CWC27: variants seen among roughly 807,000 people sequenced by gnomAD.
The protein encoded by CWC27 is CWC27 spliceosome associated cyclophilin.
A neutral mutation model predicts 63.6 loss-of-function variants in CWC27; 47 were observed. That is an observed-to-expected ratio of 0.74 (90% CI 0.58 to 0.94). CWC27 has a LOEUF of 0.94. Ranked by LOEUF, CWC27 falls within the 40% of genes least tolerant of loss-of-function variation. The pLI is 0.00. For synonymous variants in CWC27, 175 were observed against 179.8 expected (o/e 0.97, Z 0.22); for missense variants, 495 against 554.3 (o/e 0.89, Z 1.07).
At chr5:65,002,565 T>C (rs1318418181) in intron 13 of CWC27, among the ~76,000 whole-genome samples, 3 of 152,170 alleles carry the variant, frequency 2.0e-5, no homozygotes, top group African/African-American at 4.8e-5. Flanking sequence ...TGGGAGCATG[T>C]TGTTTAATTT....
intron 3 of CWC27, 42 bp downstream of exon 3, chr5:64,782,075 T>C (rs1200336220): frequency 9.3e-7 from 1 of 1,070,598 alleles, no homozygotes; most frequent in East Asian, 2.7e-5. Flanking sequence ...TTTGTTGTTA[T>C]TATTATTTCC....
At chr5:64,956,657 C>T (rs1486061686) in intron 11 of CWC27, among the ~76,000 whole-genome samples, 3 of 152,092 alleles carry the variant, frequency 2.0e-5, no homozygotes, top group Non-Finnish European at 4.4e-5. Flanking sequence ...AGCTCCTAAC[C>T]TGGAAAACTG....
intron 10 of CWC27, among the ~76,000 whole-genome samples, chr5:64,850,751 G>A (rs936511983): frequency 3.3e-5 from 5 of 151,898 alleles, no homozygotes; most frequent in Admixed American, 6.6e-5. Flanking sequence ...ACCTGGGGAC[G>A]GGACCTGAAA....
intron 10 of CWC27, among the ~76,000 whole-genome samples, chr5:64,857,741 AT>A (rs1345204695): frequency 2.6e-5 from 4 of 152,188 alleles, no homozygotes; most frequent in African/African-American, 9.6e-5. Flanking sequence ...GGTTATTAGA[AT>A]TGTGATTGTG....
intron 11 of CWC27, among the ~76,000 whole-genome samples, chr5:64,903,965 T>G (rs1747566825): frequency 6.6e-6 from 1 of 152,252 alleles, no homozygotes; most frequent in South Asian, 2.1e-4. Context: ...TTTGTTTATC[T>G]ACTTCATCAC....
intron 10 of CWC27, among the ~76,000 whole-genome samples, chr5:64,821,991 G>C (rs559831343): frequency 6.6e-6 from 1 of 152,314 alleles, no homozygotes; most frequent in African/African-American, 2.4e-5. Context: ...TTGGTAGAAA[G>C]TGTTAGAAAA....
intron 13 of CWC27, among the ~76,000 whole-genome samples, chr5:64,985,837 A>G (rs1157486673): frequency 6.6e-6 from 1 of 152,166 alleles, no homozygotes; most frequent in African/African-American, 2.4e-5. Context: ...GTCTTTGGGG[A>G]AAAGCCTTCA....
chr5:64,884,371 G>C (rs971124495), intron 10 of CWC27: 1 of 152,062 alleles, frequency 6.6e-6, no homozygotes, highest in Non-Finnish European at 1.5e-5. Context: ...TGTGTGTCTG[G>C]TGTGGAAAAA....
intron 11 of CWC27, among the ~76,000 whole-genome samples, chr5:64,957,168 G>A (rs568407108): frequency 6.6e-6 from 1 of 152,282 alleles, no homozygotes; most frequent in East Asian, 1.9e-4. Flanking sequence ...CCTCCTTTAA[G>A]TACTGTTAGA....
At chr5:65,001,787 C>G (rs1749736568) in intron 13 of CWC27, among the ~76,000 whole-genome samples, 1 of 150,576 alleles carries the variant, frequency 6.6e-6, no homozygotes, top group African/African-American at 2.4e-5. Context: ...TTTTCTTTTT[C>G]TTGTTATGTC....
chr5:64,802,710 A>G (rs969800954), intron 9 of CWC27, among the ~76,000 whole-genome samples: 3 of 152,188 alleles, frequency 2.0e-5, no homozygotes, highest in African/African-American at 7.2e-5. Flanking sequence ...AACTTGTTAG[A>G]TGGGTGCAAA....
intron 13 of CWC27, among the ~76,000 whole-genome samples, chr5:64,998,213 G>A (rs1749672156): frequency 6.6e-6 from 1 of 152,090 alleles, no homozygotes; most frequent in South Asian, 2.1e-4. Context: ...TTTTGAGAGA[G>A]ATAGGGAGAC....
Position 64,793,532 on chromosome 5 carries a change from C to T in CWC27, c.669+4512C>T, listed in dbSNP as rs745873381. Among the ~76,000 whole-genome samples the T allele has an allele frequency of 8.7e-4, 132 of 152,126 alleles. 1 individual carries two copies. The highest frequency in any genetic ancestry group is 1.0e-3 in the Non-Finnish European group (70 of 67,986). ...TTACACTACCAGCACTGTTCAAATA[C>T]CTTGGTAAGAAGAGGGAAGACTAGC... is the stretch of plus-strand genomic sequence containing the variant. On this transcript the variant is annotated intron_variant, in intron 7 of 13. Coordinates refer to ENST00000381070, the MANE Select transcript of CWC27 (RefSeq NM_005869.4).
intron 13 of CWC27, among the ~76,000 whole-genome samples, chr5:65,008,505 G>C (rs548844883): frequency 2.0e-5 from 3 of 152,096 alleles, no homozygotes; most frequent in Non-Finnish European, 4.4e-5. Context: ...AACTTTATCC[G>C]ACCCACTATA....
intron 11 of CWC27, among the ~76,000 whole-genome samples, chr5:64,911,340 T>C (rs1165938279): frequency 9.9e-5 from 15 of 152,174 alleles, no homozygotes; most frequent in Admixed American, 9.2e-4. Flanking sequence ...AATATTAGTA[T>C]AGAGTGGAGG....
In CWC27 at chr5:64,797,642, A is replaced by T. The variant is rs1032301311; in HGVS notation, c.670-2606A>T. Among the ~76,000 whole-genome samples the T allele has an allele frequency of 9.2e-5, 14 of 152,134 alleles. No individual in the cohort carries two copies. In the East Asian group the frequency reaches 1.5e-3, roughly 17 times the overall value. On this transcript the variant is annotated intron_variant, in intron 7 of 13. Transcript: ENST00000381070. ...TTGGAAGATAAACAAGAACCTTTTT[A>T]AAAAAATTAATTACTTTTTAAATTA... is the stretch of plus-strand genomic sequence containing the variant.
chr5:65,002,817 C>T lies in CWC27; in HGVS notation c.1257-15342C>T, dbSNP rs151295521. ...TGCTGGGTTCATTTGGCCTAAGGTG[C>T]AGTTTAAATGCAATGATTCCGTATT... On this transcript the variant is annotated intron_variant, in intron 13 of 13. Coordinates refer to ENST00000381070, the MANE Select transcript of CWC27 (RefSeq NM_005869.4). Among the ~76,000 whole-genome samples the T allele has an allele frequency of 4.0e-3, 609 of 152,138 alleles. 2 individuals are homozygous for T. The highest frequency in any genetic ancestry group is 0.014 in the African/African-American group (569 of 41,498).
intron 10 of CWC27, among the ~76,000 whole-genome samples, chr5:64,854,991 G>A (rs1746218070): frequency 6.6e-6 from 1 of 152,084 alleles, no homozygotes; most frequent in South Asian, 2.1e-4. Context: ...GTCTAGAATT[G>A]TGTTGTTTAC....
At chr5:64,853,514 ATTC>A (rs1004549975) in intron 10 of CWC27, among the ~76,000 whole-genome samples, 1 of 152,206 alleles carries the variant, frequency 6.6e-6, no homozygotes, top group African/African-American at 2.4e-5. Flanking sequence ...ATATTAGTCC[ATTC>A]TTATGTTGCT....
Sources: gnomAD v4.1 joint callset for allele counts (sites outside exome capture counted in the v4.1 genomes callset) on GRCh38, gnomAD v4.1.1 for gene constraint, MANE v1.5 for transcripts, NCBI Gene and HGNC (gene_info 2026-07-23, HGNC 2026-07-21) for gene names.